Variants in GLRX observed in about 807,000 individuals in gnomAD.
GLRX encodes glutaredoxin-1.
GLRX carries 9 observed loss-of-function variants against 11.1 expected under a neutral mutation model. That is an observed-to-expected ratio of 0.81 (90% CI 0.49 to 1.42). The LOEUF (loss-of-function observed/expected upper bound fraction) is 1.42. Ranked by LOEUF, GLRX falls within the 40% of genes most tolerant of loss-of-function variation. The pLI is 0.00. For synonymous variants in GLRX, 49 were observed against 49.5 expected, an observed-to-expected ratio of 0.99 and a Z score of 0.04; for missense variants, 102 against 126.2, an observed-to-expected ratio of 0.81 and a Z score of 0.92.
rs548169030 is a variant in GLRX at position 95,815,423 on chromosome 5, A to G, written c.*7-1034T>C. 2.2e-4 allele frequency among the ~76,000 whole-genome samples: 33 copies of G among 152,308 alleles called. No individual in the cohort carries two copies. The South Asian group carries it at 5.4e-3, about 25-fold the overall frequency. ...AGAGAAATCAGTGGTATTTTTTCAG[A>G]CCTTTTTCCCCCTTCTGTTGCTATG... On this transcript the variant is annotated intron_variant, in intron 2 of 2. Transcript: ENST00000237858.
chr5:95,816,819 C>T, intron 1 of GLRX, 193 bp from the exon 2 acceptor site: 1 of 470,802 alleles, frequency 2.1e-6, no homozygotes, highest in Non-Finnish European at 3.9e-6. Flanking sequence ...TGTTTTTACG[C>T]CAGAAGAGTT....
chr5:95,817,928 T>C (rs1465093985), intron 1 of GLRX: 1 of 152,234 alleles, frequency 6.6e-6, no homozygotes, highest in African/African-American at 2.4e-5. Flanking sequence ...GGCTTCATTA[T>C]TGTGGATAAG....
At chr5:95,815,149 T>TG (rs1746942153) in intron 2 of GLRX, among the ~76,000 whole-genome samples, 1 of 152,198 alleles carries the variant, frequency 6.6e-6, no homozygotes, top group Non-Finnish European at 1.5e-5. Context: ...TTTCTGAATA[T>TG]GGGGGACTCT....
At chr5:95,814,482 T>C (rs1483677935) in intron 2 of GLRX, 93 bp from the exon 3 acceptor site, 2 of 152,576 alleles carry the variant, frequency 1.3e-5, no homozygotes, top group African/African-American at 4.8e-5. Context: ...ATGCATGTAG[T>C]TAGAAAGAAC....
In GLRX at chr5:95,816,602, CT is replaced by C. The variant is rs2112863673; in HGVS notation, c.231del (p.Asp78IlefsTer3). 1.2e-6 allele frequency: 2 copies of C among 1,603,196 alleles called. No homozygotes were observed. Among genetic ancestry groups the C allele is most frequent in the East Asian group, 2.2e-5 (1 of 44,844 alleles). The stretch of plus-strand genomic sequence containing the variant: ...AGATCACTGCATCCGCCTATACAAT[CT>C]TTACCAATAAAGACTCGAGGCACCT... ...ARTVPRVFIG[K>X]DCIGGCSDLV... On this transcript the variant is annotated frameshift_variant, in exon 2 of 3. Coordinates refer to ENST00000237858, the MANE Select transcript of GLRX (RefSeq NM_001118890.2). LOFTEE classifies it high-confidence loss of function.
At chr5:95,822,072 C>T (rs560779032) in intron 1 of GLRX, 1 of 223,352 alleles carries the variant, frequency 4.5e-6, no homozygotes, top group African/African-American at 2.3e-5. Context: ...AAATAACAAA[C>T]ACATCACACC....
At chr5:95,818,125 T>G (rs1747076455) in intron 1 of GLRX, 7 of 152,178 alleles carry the variant, frequency 4.6e-5, no homozygotes, top group Admixed American at 4.6e-4. Context: ...CCCTGAAATG[T>G]GACCAGGCTG....
chr5:95,815,583 A>G (rs1746961248), intron 2 of GLRX, among the ~76,000 whole-genome samples: 1 of 152,204 alleles, frequency 6.6e-6, no homozygotes, highest in South Asian at 2.1e-4. Context: ...CAGCATTTAC[A>G]TCTCTCTGGG....
intron 1 of GLRX, among the ~76,000 whole-genome samples, chr5:95,820,217 A>G (rs1747174660): frequency 6.6e-6 from 1 of 151,326 alleles, no homozygotes; most frequent in Non-Finnish European, 1.5e-5. Flanking sequence ...GCTGGGTATG[A>G]TGGCTCATGC....
chr5:95,815,459 A>G (rs1746957226), intron 2 of GLRX, among the ~76,000 whole-genome samples: 1 of 152,270 alleles, frequency 6.6e-6, no homozygotes. Flanking sequence ...CTGAGTAACC[A>G]TCACAAATAA....
Position 95,822,595 on chromosome 5 carries a change from C to G in GLRX, c.68G>C (p.Cys23Ser). Residue 23 changes from cysteine to serine, a missense_variant, in exon 1 of 3, where the codon TGC becomes TCC. Physicochemically the swap from Cys to Ser is moderately radical, Grantham distance 112 (BLOSUM62 -1). Coordinates refer to ENST00000237858, the MANE Select transcript of GLRX (RefSeq NM_001118890.2). ...GKVVVFIKPT[C>S]PYCRRAQEIL... The stretch of plus-strand genomic sequence containing the variant: ...CTCTTGGGCCCTCCTGCAGTACGGG[C>G]AGGTGGGCTTGATGAACACAACCAC... 4 of 1,613,896 alleles carry G rather than the reference C, an allele frequency of 2.5e-6. No individual in the cohort carries two copies. The highest frequency in any genetic ancestry group is 3.4e-6 in the Non-Finnish European group (4 of 1,179,824).
At chr5:95,817,779 C>G in intron 1 of GLRX, 1 of 152,324 alleles carries the variant, frequency 6.6e-6, no homozygotes, top group East Asian at 1.9e-4. Flanking sequence ...GGCCTCTCCC[C>G]GAGTACCAGG....
intron 2 of GLRX, among the ~76,000 whole-genome samples, chr5:95,815,502 A>G (rs28926218): frequency 0.019 from 2,841 of 152,372 alleles, 43 homozygotes; most frequent in Middle Eastern, 0.041. Flanking sequence ...TGAGTTATTA[A>G]TTAGCAGGCA....
chr5:95,815,912 C>G (rs1031873935), intron 2 of GLRX, among the ~76,000 whole-genome samples: 5 of 152,322 alleles, frequency 3.3e-5, no homozygotes, highest in Middle Eastern at 3.4e-3. Context: ...CCCCTGCCCA[C>G]CTTTCTCGCT....
At position 95,821,431 on chromosome 5, in the gene GLRX, C is replaced by T. The variant is rs569586997; in HGVS notation, c.207+1025G>A. Among the ~76,000 whole-genome samples, 44 of 150,982 alleles carry T rather than the reference C, an allele frequency of 2.9e-4. 1 individual carries two copies. The highest frequency in any genetic ancestry group is 8.4e-4 in the South Asian group (4 of 4,766). On this transcript the variant is annotated intron_variant, in intron 1 of 2. Coordinates refer to ENST00000237858, the MANE Select transcript of GLRX (RefSeq NM_001118890.2). ...GCAGTAGGATAACACACTAAGCCCC[C>T]TTTCTGCACCAAAATGCTGACTTCT...
At chr5:95,818,506 C>G (rs3822751) in intron 1 of GLRX, 51,801 of 151,986 alleles carry the variant, frequency 0.34, 10,053 homozygotes, top group East Asian at 0.68. Flanking sequence ...TTCTCCTGCA[C>G]TAGGTTTCCC....
At chr5:95,815,260 A>AATATTTGGTACC (rs3842071) in intron 2 of GLRX, among the ~76,000 whole-genome samples, 120,238 of 151,902 alleles carry the variant, frequency 0.79, 48,462 homozygotes, top group African/African-American at 0.91. Flanking sequence ...CAGAATAGGA[A>AATATTTGGTACC]ACCATTAATT....
At position 95,822,404 on chromosome 5, in the gene GLRX, C is replaced by T. The variant is rs534474231; in HGVS notation, c.207+52G>A. 3.5e-5 allele frequency: 50 copies of T among 1,422,668 alleles called. 1 individual carries two copies. In the African/African-American group the frequency reaches 3.7e-4, roughly 10 times the overall value. The allele number at this position is 1,422,668 out of a possible 1,614,324, so 88.1% of individuals were successfully genotyped here. On this transcript the variant is annotated intron_variant, in intron 1 of 2. Coordinates refer to ENST00000237858, the MANE Select transcript of GLRX (RefSeq NM_001118890.2). ...ATCCTAAAGAAAGGCACAGCTCTGA[C>T]AAGAAAAGGCAATCCGGGAGCCTTT... is the stretch of plus-strand genomic sequence containing the variant.
chr5:95,814,912 C>T (rs371907624), intron 2 of GLRX: 1 of 168,740 alleles, frequency 5.9e-6, no homozygotes. Context: ...TCATCATTTG[C>T]AATGCCATCC....
Sources: gnomAD v4.1 joint callset for allele counts (sites outside exome capture counted in the v4.1 genomes callset) on GRCh38, gnomAD v4.1.1 for gene constraint, MANE v1.5 for transcripts, NCBI Gene and HGNC (gene_info 2026-07-23, HGNC 2026-07-21) for gene names.